Variants in LRRC49 observed in about 807,000 individuals in gnomAD.
LRRC49 encodes the protein leucine rich repeat containing 49.
In LRRC49, 50 loss-of-function variants were observed where a neutral mutation model predicts 83.3. The ratio of observed to expected loss-of-function variants is 0.60; its 90% CI spans 0.48 to 0.76. LRRC49 has a LOEUF of 0.76. Among genes scored for constraint, LRRC49 ranks in the 30% least tolerant of loss-of-function variants. The pLI is 0.00. For synonymous variants in LRRC49, 286 were observed against 283.3 expected (o/e 1.01, Z -0.10); for missense variants, 704 against 809.1 (o/e 0.87, Z 1.58).
intron 2 of LRRC49, among the ~76,000 whole-genome samples, chr15:70,880,103 G>A (rs2033232305): frequency 6.6e-6 from 1 of 152,110 alleles, no homozygotes; most frequent in Non-Finnish European, 1.5e-5. Context: ...CAGAGAAACT[G>A]CTGTTCCTAT....
chr15:70,904,888 A>G, intron 5 of LRRC49, 133 bp downstream of exon 5: 4 of 610,778 alleles, frequency 6.5e-6, no homozygotes, highest in Admixed American at 6.0e-5. Context: ...AATTAGTTGA[A>G]TGGATTAAGA....
intron 8 of LRRC49, among the ~76,000 whole-genome samples, chr15:70,954,433 A>G (rs2141184341): frequency 6.6e-6 from 1 of 152,190 alleles, no homozygotes; most frequent in Middle Eastern, 3.4e-3. Flanking sequence ...CTGGCATTTC[A>G]GCCATTTCAT....
intron 1 of LRRC49, chr15:70,854,061 G>T: frequency 7.2e-7 from 1 of 1,389,464 alleles, no homozygotes; most frequent in South Asian, 1.6e-5. Flanking sequence ...TTGGGCCCGG[G>T]CCGAGCCTCC....
At chr15:71,005,747 G>C (rs1370996020) in intron 11 of LRRC49, among the ~76,000 whole-genome samples, 2 of 152,118 alleles carry the variant, frequency 1.3e-5, no homozygotes. Flanking sequence ...AGTGGGCTTT[G>C]AGGACATGTT....
At chr15:70,897,619 T>C (rs2033892286) in intron 3 of LRRC49, among the ~76,000 whole-genome samples, 1 of 152,198 alleles carries the variant, frequency 6.6e-6, no homozygotes, top group South Asian at 2.1e-4. Flanking sequence ...ATAAACTGTA[T>C]CTTGATACCC....
chr15:70,944,846 C>G (rs1178510309), intron 8 of LRRC49, among the ~76,000 whole-genome samples: 1 of 152,174 alleles, frequency 6.6e-6, no homozygotes, highest in Non-Finnish European at 1.5e-5. Context: ...TCGCCTCACA[C>G]CTAAGGCATG....
intron 8 of LRRC49, among the ~76,000 whole-genome samples, chr15:70,938,926 A>G (rs2035701560): frequency 6.6e-6 from 1 of 152,228 alleles, no homozygotes; most frequent in Admixed American, 6.5e-5. Flanking sequence ...CAGACAAATT[A>G]AAATGGAATG....
intron 7 of LRRC49, among the ~76,000 whole-genome samples, chr15:70,931,104 C>CT (rs1329999794): frequency 5.3e-5 from 8 of 152,226 alleles, no homozygotes; most frequent in Non-Finnish European, 1.2e-4. Context: ...TTCAACATGA[C>CT]TTTCTCACTA....
At chr15:70,853,976 G>A (rs1368682123) in intron 1 of LRRC49, 6 of 1,460,456 alleles carry the variant, frequency 4.1e-6, no homozygotes, top group Non-Finnish European at 5.4e-6. Flanking sequence ...CCGAGTCTCC[G>A]CCCCCTCCTC....
At chr15:70,870,242 G>T (rs910020709) in intron 1 of LRRC49, among the ~76,000 whole-genome samples, 2 of 152,262 alleles carry the variant, frequency 1.3e-5, no homozygotes, top group Non-Finnish European at 2.9e-5. Context: ...TGGAATGGAT[G>T]AGTCATCAGC....
intron 1 of LRRC49, among the ~76,000 whole-genome samples, chr15:70,863,890 G>C (rs1199429059): frequency 6.6e-6 from 1 of 152,188 alleles, no homozygotes; most frequent in Admixed American, 6.5e-5. Flanking sequence ...TGCACATCAC[G>C]AGGGGAGGCA....
chr15:70,878,744 G>T (rs1211715327), intron 2 of LRRC49, among the ~76,000 whole-genome samples: 1 of 152,136 alleles, frequency 6.6e-6, no homozygotes, highest in African/African-American at 2.4e-5. Context: ...TCTTAATATG[G>T]TGAATTACAT....
At chr15:71,045,213 A>G (rs1437623486) in intron 15 of LRRC49, among the ~76,000 whole-genome samples, 3 of 152,186 alleles carry the variant, frequency 2.0e-5, no homozygotes, top group Admixed American at 6.5e-5. Context: ...TGAGACTTCA[A>G]TATATTTTCT....
chr15:70,951,580 A>G (rs1026271724), intron 8 of LRRC49, among the ~76,000 whole-genome samples: 23 of 152,164 alleles, frequency 1.5e-4, no homozygotes, highest in Middle Eastern at 6.8e-3. Flanking sequence ...TGGTGTATAG[A>G]AATGCTACTG....
At chr15:70,969,906 A>C (rs1207637411) in intron 9 of LRRC49, among the ~76,000 whole-genome samples, 1 of 152,190 alleles carries the variant, frequency 6.6e-6, no homozygotes, top group Non-Finnish European at 1.5e-5. Context: ...CTAAATATAC[A>C]ATCATATCAT....
At chr15:70,976,401 T>C (rs1161435256) in intron 9 of LRRC49, among the ~76,000 whole-genome samples, 1 of 152,234 alleles carries the variant, frequency 6.6e-6, no homozygotes, top group Non-Finnish European at 1.5e-5. Context: ...AAGAAAATAA[T>C]GTTTATAACT....
At chr15:70,900,558 C>T (rs1405629871) in intron 3 of LRRC49, 3 of 457,448 alleles carry the variant, frequency 6.6e-6, no homozygotes, top group Non-Finnish European at 1.3e-5. Context: ...GCAGGGCTGT[C>T]ATAGTGCTGG....
chr15:71,009,770 C>T (rs1423795880), intron 12 of LRRC49, 37 bp from the exon 13 acceptor site: 7 of 1,379,666 alleles, frequency 5.1e-6, no homozygotes, highest in South Asian at 1.4e-5. Flanking sequence ...TGGTTAAAAT[C>T]AATGTTCTGA....
chr15:70,951,576 A>G (rs780867869), intron 8 of LRRC49, among the ~76,000 whole-genome samples: 1 of 152,146 alleles, frequency 6.6e-6, no homozygotes, highest in Non-Finnish European at 1.5e-5. Flanking sequence ...TTATTGGTGT[A>G]TAGAAATGCT....
Sources: allele counts gnomAD v4.1 joint callset (sites outside exome capture counted in the v4.1 genomes callset), GRCh38; gene constraint gnomAD v4.1.1; transcripts MANE v1.5; gene names NCBI Gene and HGNC (gene_info 2026-07-23, HGNC 2026-07-21).